KCNIP4: variants seen among roughly 807,000 people sequenced by gnomAD.
The protein encoded by KCNIP4 is potassium voltage-gated channel interacting protein 4.
A neutral mutation model predicts 34.0 loss-of-function variants in KCNIP4; 12 were observed. The observed-to-expected ratio is 0.35, with a 90% CI of 0.23 to 0.57. KCNIP4 has a LOEUF of 0.57. KCNIP4 is among the 20% of genes least tolerant of loss of function. The pLI, the probability that KCNIP4 is intolerant of heterozygous loss-of-function variation, is 0.83. For synonymous variants in KCNIP4, 124 were observed against 102.2 expected (o/e 1.21, Z -1.29); for missense variants, 238 against 311.7 (o/e 0.76, Z 1.78).
chr4:20,806,073 T>C (rs1715038143), intron 3 of KCNIP4, among the ~76,000 whole-genome samples: 1 of 152,074 alleles, frequency 6.6e-6, no homozygotes, highest in Admixed American at 6.5e-5. Context: ...TCTAGTTTCC[T>C]TTGGGGGGGC....
chr4:21,768,241 A>G lies in KCNIP4; in HGVS notation c.61+180330T>C, dbSNP rs530287281. ...ATACAGTATGCATCTTAACACAAAAATCATCAATTCTATATTGATAACTAA... is the reference window on the plus strand; with the variant it reads ...ATACAGTATGCATCTTAACACAAAAGTCATCAATTCTATATTGATAACTAA... On this transcript the variant is annotated intron_variant, in intron 1 of 8. Coordinates refer to ENST00000382152, the MANE Select transcript of KCNIP4 (RefSeq NM_025221.6). 2.2e-4 allele frequency among the ~76,000 whole-genome samples: 33 copies of G among 152,266 alleles called. No homozygotes were observed. The South Asian group carries it at 6.6e-3, about 31-fold the overall frequency.
At chr4:21,451,335 A>C (rs1446193255) in intron 1 of KCNIP4, among the ~76,000 whole-genome samples, 1 of 152,184 alleles carries the variant, frequency 6.6e-6, no homozygotes, top group Non-Finnish European at 1.5e-5. Flanking sequence ...AAATATGATC[A>C]CAGACTCAAA....
intron 1 of KCNIP4, among the ~76,000 whole-genome samples, chr4:21,189,607 G>A (rs1458520873): frequency 6.6e-6 from 1 of 152,198 alleles, no homozygotes; most frequent in Non-Finnish European, 1.5e-5. Context: ...TCTGATAGGT[G>A]TGTAGGGAAG....
At chr4:21,422,312 T>C (rs573427545) in intron 1 of KCNIP4, among the ~76,000 whole-genome samples, 289 of 152,048 alleles carry the variant, frequency 1.9e-3, no homozygotes, top group African/African-American at 6.5e-3. Context: ...GCCATTCTCC[T>C]GCCTCGGCCT....
chr4:21,892,927 G>A (rs1727187731), intron 1 of KCNIP4, among the ~76,000 whole-genome samples: 2 of 152,128 alleles, frequency 1.3e-5, no homozygotes, highest in Admixed American at 1.3e-4. Context: ...AGGCGATATA[G>A]CCACAGCTTT....
intron 1 of KCNIP4, among the ~76,000 whole-genome samples, chr4:21,353,968 C>T (rs117795152): frequency 0.026 from 3,883 of 152,218 alleles, 197 homozygotes; most frequent in East Asian, 0.2. Context: ...AACCCTACAA[C>T]CCAGAAGATA....
intron 1 of KCNIP4, among the ~76,000 whole-genome samples, chr4:21,425,921 G>A (rs956551250): frequency 6.6e-6 from 1 of 152,086 alleles, no homozygotes; most frequent in African/African-American, 2.4e-5. Context: ...GTTTGTAGTG[G>A]TGCATCTCTG....
chr4:20,887,156 C>A (rs1560543648), intron 1 of KCNIP4, among the ~76,000 whole-genome samples: 1 of 151,706 alleles, frequency 6.6e-6, no homozygotes, highest in Non-Finnish European at 1.5e-5. Flanking sequence ...AGACTGAGAA[C>A]TACTGAAGAA....
chr4:21,661,239 TC>T, intron 1 of KCNIP4, among the ~76,000 whole-genome samples: 1 of 152,058 alleles, frequency 6.6e-6, no homozygotes, highest in Non-Finnish European at 1.5e-5. Context: ...CTCAATAAAA[TC>T]CCCACATTCA....
chr4:20,844,405 A>G (rs1720119428), intron 3 of KCNIP4, among the ~76,000 whole-genome samples: 1 of 152,190 alleles, frequency 6.6e-6, no homozygotes, highest in Non-Finnish European at 1.5e-5. Flanking sequence ...TGAGTCTTTC[A>G]AACACTGAAC....
chr4:21,193,474 A>G (rs1755827408), intron 1 of KCNIP4, among the ~76,000 whole-genome samples: 1 of 152,206 alleles, frequency 6.6e-6, no homozygotes, highest in South Asian at 2.1e-4. Context: ...AGTCAAGAAT[A>G]TGGAGAAACT....
chr4:20,959,537 T>C (rs1344470487), intron 1 of KCNIP4, among the ~76,000 whole-genome samples: 2 of 152,352 alleles, frequency 1.3e-5, no homozygotes, highest in African/African-American at 4.8e-5. Context: ...CTATCCTAGG[T>C]ATTTTTCTTC....
At chr4:20,738,515 A>G (rs1392371596) in intron 5 of KCNIP4, among the ~76,000 whole-genome samples, 1 of 152,172 alleles carries the variant, frequency 6.6e-6, no homozygotes, top group East Asian at 1.9e-4. Context: ...CAGGGATCAC[A>G]CTTTGAGAAT....
At chr4:21,296,174 T>A (rs1336607024) in intron 1 of KCNIP4, among the ~76,000 whole-genome samples, 2 of 152,174 alleles carry the variant, frequency 1.3e-5, no homozygotes, top group Non-Finnish European at 2.9e-5. Flanking sequence ...CGGAAATGAA[T>A]TGTTCTTTGA....
chr4:21,166,187 A>G (rs560991998), intron 1 of KCNIP4, among the ~76,000 whole-genome samples: 131 of 152,310 alleles, frequency 8.6e-4, no homozygotes, highest in African/African-American at 3.1e-3. Flanking sequence ...TGTACTTAGA[A>G]TATGTGAAGT....
intron 1 of KCNIP4, among the ~76,000 whole-genome samples, chr4:21,057,629 G>A (rs1012816669): frequency 2.6e-5 from 4 of 152,128 alleles, no homozygotes; most frequent in Non-Finnish European, 5.9e-5. Context: ...TTGTTATAAG[G>A]TTGAAATTGA....
chr4:21,702,445 C>T (rs73256526), intron 1 of KCNIP4, among the ~76,000 whole-genome samples: 11,055 of 151,910 alleles, frequency 0.073, 565 homozygotes, highest in Non-Finnish European at 0.12. Flanking sequence ...ATATTCATTC[C>T]GTAAGAGAAG....
chr4:21,299,698 T>G lies in KCNIP4; in HGVS notation c.62-416989A>C, dbSNP rs768727063. Among the ~76,000 whole-genome samples the G allele has an allele frequency of 1.3e-4, 20 of 152,250 alleles. No homozygotes were observed. In the East Asian group the frequency reaches 1.9e-3, roughly 15 times the overall value. On this transcript the variant is annotated intron_variant, in intron 1 of 8. Transcript: ENST00000382152. Reference sequence around the variant, plus strand: ...GATGGAAATCAGCCCCTCCTAGTCATCTCTGGCCCCTTGGTCCTTATTAAG... The same window carrying G: ...GATGGAAATCAGCCCCTCCTAGTCAGCTCTGGCCCCTTGGTCCTTATTAAG...
At chr4:21,065,696 G>T (rs1312733133) in intron 1 of KCNIP4, among the ~76,000 whole-genome samples, 1 of 125,088 alleles carries the variant, frequency 8.0e-6, no homozygotes, top group Non-Finnish European at 1.6e-5. Context: ...TATTTAGGAG[G>T]TCATTATATC....
Sources: gnomAD v4.1 joint callset for allele counts (sites outside exome capture counted in the v4.1 genomes callset) on GRCh38, gnomAD v4.1.1 for gene constraint, MANE v1.5 for transcripts, NCBI Gene and HGNC (gene_info 2026-07-23, HGNC 2026-07-21) for gene names.